The following RABGAP1 variants were observed in gnomAD, a reference collection of about 807,000 sequenced individuals.
The protein encoded by RABGAP1 is RAB GTPase activating protein 1, also known as rab GTPase-activating protein 1.
RABGAP1 carries 23 observed loss-of-function variants against 137.6 expected under a neutral mutation model. The observed-to-expected ratio is 0.17, with a 90% CI of 0.12 to 0.24. RABGAP1 has a LOEUF of 0.24. RABGAP1 is among the 10% of genes least tolerant of loss of function. The probability of loss-of-function intolerance (pLI) is 1.00; values close to 1 mark genes in which losing one functional copy is unlikely to be tolerated. For missense variants in RABGAP1, 906 were observed against 1,275.8 expected, an observed-to-expected ratio of 0.71 and a Z score of 4.42; for synonymous variants, 451 against 450.7, an observed-to-expected ratio of 1.00 and a Z score of -0.01.
At chr9:123,072,544 T>A (rs1319315717) in intron 15 of RABGAP1, among the ~76,000 whole-genome samples, 1 of 152,126 alleles carries the variant, frequency 6.6e-6, no homozygotes, top group African/African-American at 2.4e-5. Context: ...GTGTTATAAG[T>A]GCTTGTTTAG....
chr9:123,034,333 G>T (rs898426622), intron 13 of RABGAP1: 3 of 547,132 alleles, frequency 5.5e-6, no homozygotes, highest in Non-Finnish European at 9.6e-6. Context: ...CTATGGCCGC[G>T]TCTGGGACTG....
At chr9:123,023,515 C>T (rs940579221) in intron 13 of RABGAP1, among the ~76,000 whole-genome samples, 3 of 152,174 alleles carry the variant, frequency 2.0e-5, no homozygotes, top group Non-Finnish European at 4.4e-5. Flanking sequence ...TATACAGTCA[C>T]ACAGCACGTG....
chr9:123,074,259 C>T (rs908408332), intron 16 of RABGAP1, 26 bp from the exon 17 acceptor site: 9 of 1,612,730 alleles, frequency 5.6e-6, no homozygotes, highest in Non-Finnish European at 6.8e-6. Context: ...CATATGTGCC[C>T]AGAACTAATT....
At chr9:123,022,058 A>G (rs2031674272) in intron 13 of RABGAP1, among the ~76,000 whole-genome samples, 1 of 152,266 alleles carries the variant, frequency 6.6e-6, no homozygotes, top group African/African-American at 2.4e-5. Flanking sequence ...TATATCTAGC[A>G]GAGATACACC....
intron 4 of RABGAP1, among the ~76,000 whole-genome samples, chr9:122,988,367 G>A (rs1588220068): frequency 1.3e-5 from 2 of 152,178 alleles, no homozygotes; most frequent in East Asian, 3.9e-4. Context: ...TTCCATAGTT[G>A]TGCCTTACTG....
chr9:122,956,890 T>C (rs1201504513), intron 1 of RABGAP1, 121 bp from the exon 2 acceptor site: 1 of 446,772 alleles, frequency 2.2e-6, no homozygotes, highest in East Asian at 3.9e-5. Context: ...AGTGAAAGTC[T>C]TAGGAAAATA....
chr9:123,046,716 A>C (rs186641937), intron 13 of RABGAP1, among the ~76,000 whole-genome samples: 393 of 152,340 alleles, frequency 2.6e-3, no homozygotes, highest in African/African-American at 9.0e-3. Context: ...ATGAAGCAGA[A>C]GTTTTAAGTT....
At chr9:122,990,274 A>G (rs982020190) in intron 6 of RABGAP1, 61 bp downstream of exon 6, 102 of 1,391,810 alleles carry the variant, frequency 7.3e-5, no homozygotes, top group Middle Eastern at 4.7e-4. Context: ...ATTCTAGGTC[A>G]GATTATAACT....
intron 2 of RABGAP1, among the ~76,000 whole-genome samples, chr9:122,962,867 A>G (rs759029738): frequency 6.6e-6 from 1 of 152,216 alleles, no homozygotes; most frequent in Non-Finnish European, 1.5e-5. Flanking sequence ...ATACAAATAG[A>G]TTTAAAATAA....
chr9:123,041,087 G>A (rs1043558100), intron 13 of RABGAP1, among the ~76,000 whole-genome samples: 1 of 152,212 alleles, frequency 6.6e-6, no homozygotes, highest in South Asian at 2.1e-4. Context: ...TAATTCTAAG[G>A]GTAAGAAGTA....
intron 13 of RABGAP1, among the ~76,000 whole-genome samples, chr9:123,053,849 T>G (rs2033588337): frequency 6.6e-6 from 1 of 152,228 alleles, no homozygotes; most frequent in Admixed American, 6.5e-5. Context: ...CTTTCTTTTC[T>G]TCCTGCCGTT....
intron 22 of RABGAP1, 114 bp downstream of exon 22, chr9:123,097,959 T>C: frequency 1.2e-6 from 1 of 831,542 alleles, no homozygotes; most frequent in Admixed American, 3.0e-5. Flanking sequence ...TCAGTTTCTT[T>C]CCAAAGACTT....
intron 13 of RABGAP1, among the ~76,000 whole-genome samples, chr9:123,030,425 CAAT>C (rs1169403844): frequency 6.6e-6 from 1 of 152,030 alleles, no homozygotes; most frequent in East Asian, 1.9e-4. Flanking sequence ...TCCCACCATC[CAAT>C]AATAGTGTTG....
intron 1 of RABGAP1, among the ~76,000 whole-genome samples, chr9:122,942,334 G>C (rs900830680): frequency 6.6e-6 from 1 of 152,110 alleles, no homozygotes; most frequent in African/African-American, 2.4e-5. Context: ...GTTTGTATAA[G>C]GTGCTATTTA....
intron 1 of RABGAP1, 55 bp from the exon 2 acceptor site, chr9:122,956,956 A>G: frequency 1.0e-6 from 1 of 963,466 alleles, no homozygotes; most frequent in South Asian, 3.9e-5. Flanking sequence ...GTACAGTGTA[A>G]TTGAATATCT....
chr9:122,951,399 G>T (rs1834235875), intron 1 of RABGAP1, among the ~76,000 whole-genome samples: 1 of 150,950 alleles, frequency 6.6e-6, no homozygotes, highest in Non-Finnish European at 1.5e-5. Context: ...ACAAATATCT[G>T]ATAGTACTCT....
intron 13 of RABGAP1, among the ~76,000 whole-genome samples, chr9:123,056,040 T>C (rs2033680497): frequency 6.6e-6 from 1 of 152,216 alleles, no homozygotes; most frequent in African/African-American, 2.4e-5. Context: ...TGTTCCAGGC[T>C]ATCTGCCCTG....
At chr9:123,042,990 A>T (rs992469212) in intron 13 of RABGAP1, among the ~76,000 whole-genome samples, 1 of 152,184 alleles carries the variant, frequency 6.6e-6, no homozygotes, top group African/African-American at 2.4e-5. Context: ...ACTTTTTGCC[A>T]CAATAAAGCT....
chr9:122,934,758 C>T, the RABGAP1 span, among the ~76,000 whole-genome samples: 33,784 of 151,958 alleles, frequency 0.22, 5,244 homozygotes, highest in East Asian at 0.65. Flanking sequence ...CTTGGCTCAC[C>T]GCAGTCTCTG....
Sources: allele counts gnomAD v4.1 joint callset (sites outside exome capture counted in the v4.1 genomes callset), GRCh38; gene constraint gnomAD v4.1.1; transcripts MANE v1.5; gene names NCBI Gene and HGNC (gene_info 2026-07-23, HGNC 2026-07-21).